HLCS: variants seen among roughly 807,000 people sequenced by gnomAD.
HLCS encodes biotin--protein ligase.
A neutral mutation model predicts 75.0 loss-of-function variants in HLCS; 53 were observed. The observed-to-expected ratio is 0.71, with a 90% CI of 0.57 to 0.89. The LOEUF (loss-of-function observed/expected upper bound fraction) is 0.89. Ranked by LOEUF, HLCS falls within the 40% of genes least tolerant of loss-of-function variation. The pLI is 0.00. For missense variants in HLCS, 966 were observed against 1,074.0 expected (o/e 0.90, Z 1.41); for synonymous variants, 431 against 428.6 (o/e 1.01, Z -0.07).
chr21:36,794,132 T>A (rs771671071), intron 6 of HLCS, among the ~76,000 whole-genome samples: 1 of 152,172 alleles, frequency 6.6e-6, no homozygotes, highest in Non-Finnish European at 1.5e-5. Context: ...AGCAAACCCA[T>A]GAGGATACAG....
At chr21:36,786,556 T>G (rs577755282) in intron 6 of HLCS, among the ~76,000 whole-genome samples, 45 of 152,360 alleles carry the variant, frequency 3.0e-4, no homozygotes, top group Non-Finnish European at 5.3e-4. Flanking sequence ...GGAAAGGATT[T>G]GGACGAGCAC....
intron 5 of HLCS, among the ~76,000 whole-genome samples, chr21:36,912,585 A>T (rs1569183312): frequency 6.6e-6 from 1 of 152,200 alleles, no homozygotes; most frequent in East Asian, 1.9e-4. Context: ...AATGGTTGTA[A>T]AATAGTGTGG....
chr21:36,896,509 T>C, intron 6 of HLCS: 1 of 347,522 alleles, frequency 2.9e-6, no homozygotes, highest in Non-Finnish European at 5.5e-6. Context: ...TGTCTAACAC[T>C]GATTGTAACT....
At chr21:36,917,823 C>T (rs914883830) in intron 5 of HLCS, among the ~76,000 whole-genome samples, 2 of 151,868 alleles carry the variant, frequency 1.3e-5, no homozygotes, top group African/African-American at 2.4e-5. Context: ...TAATGAAGGT[C>T]GCTGCAAGCA....
At chr21:36,936,292 T>C (rs1390260746) in intron 4 of HLCS, among the ~76,000 whole-genome samples, 157 bp downstream of exon 4, 2 of 152,204 alleles carry the variant, frequency 1.3e-5, no homozygotes, top group East Asian at 3.8e-4. Flanking sequence ...CTAAACTTTC[T>C]GCTCACTATC....
chr21:36,906,635 A>T, intron 5 of HLCS, among the ~76,000 whole-genome samples: 1 of 151,962 alleles, frequency 6.6e-6, no homozygotes, highest in Non-Finnish European at 1.5e-5. Flanking sequence ...TCTTCAAATT[A>T]ATCTATGGGT....
chr21:36,821,176 T>C (rs982910555), intron 6 of HLCS, among the ~76,000 whole-genome samples: 1 of 152,162 alleles, frequency 6.6e-6, no homozygotes, highest in African/African-American at 2.4e-5. Flanking sequence ...TGACGGCGAA[T>C]TTCTTTCACC....
At chr21:36,925,518 G>A (rs1332438525) in intron 5 of HLCS, among the ~76,000 whole-genome samples, 2 of 152,058 alleles carry the variant, frequency 1.3e-5, no homozygotes, top group Admixed American at 6.6e-5. Flanking sequence ...GGGGCAGCAC[G>A]TCCAGTTCCC....
At chr21:36,872,206 A>G (rs2063793328) in intron 6 of HLCS, among the ~76,000 whole-genome samples, 1 of 152,114 alleles carries the variant, frequency 6.6e-6, no homozygotes, top group South Asian at 2.1e-4. Flanking sequence ...GCGGATCACA[A>G]GGTCAGGAGA....
At chr21:36,789,911 G>A (rs908809747) in intron 6 of HLCS, among the ~76,000 whole-genome samples, 9 of 152,114 alleles carry the variant, frequency 5.9e-5, no homozygotes, top group Admixed American at 1.3e-4. Context: ...TGAACTTTCC[G>A]ATGTATCTGA....
chr21:36,759,018 G>T (rs1461970858), intron 9 of HLCS: 1 of 440,582 alleles, frequency 2.3e-6, no homozygotes, highest in Non-Finnish European at 4.6e-6. Context: ...GAGCTTTAAG[G>T]GTATGAAGTA....
chr21:36,861,313 T>C (rs989576404), intron 6 of HLCS, among the ~76,000 whole-genome samples: 5 of 152,212 alleles, frequency 3.3e-5, no homozygotes, highest in Non-Finnish European at 5.9e-5. Context: ...TTTACCTATG[T>C]GGTCCGTCAA....
At chr21:36,886,332 C>T (rs764039014) in intron 6 of HLCS, among the ~76,000 whole-genome samples, 12 of 149,556 alleles carry the variant, frequency 8.0e-5, no homozygotes, top group Non-Finnish European at 1.5e-4. Context: ...ACTTGGGAGG[C>T]TGAGGCAGAA....
chr21:36,989,273 C>A (rs562194154), intron 1 of HLCS, among the ~76,000 whole-genome samples: 4 of 142,200 alleles, frequency 2.8e-5, no homozygotes, highest in African/African-American at 5.4e-5. Context: ...GGCCTCCCAG[C>A]GTGCTGGGAT....
intron 10 of HLCS, among the ~76,000 whole-genome samples, chr21:36,756,247 G>A (rs971659953): frequency 1.1e-4 from 16 of 148,730 alleles, no homozygotes; most frequent in East Asian, 3.9e-4. Context: ...GACCATCCTG[G>A]CTAACACGGT....
intron 8 of HLCS, among the ~76,000 whole-genome samples, chr21:36,764,271 C>T (rs1367418224): frequency 6.6e-6 from 1 of 152,200 alleles, no homozygotes. Flanking sequence ...ATGGTGCACA[C>T]CTGTAGTCCC....
intron 6 of HLCS, among the ~76,000 whole-genome samples, chr21:36,889,010 A>G (rs941950619): frequency 9.9e-5 from 15 of 152,174 alleles, no homozygotes; most frequent in Non-Finnish European, 2.2e-4. Flanking sequence ...ACAAACTGGC[A>G]CAGGCACTAG....
chr21:36,884,005 C>T, intron 6 of HLCS, among the ~76,000 whole-genome samples: 1 of 152,166 alleles, frequency 6.6e-6, no homozygotes, highest in Admixed American at 6.5e-5. Flanking sequence ...ATGACAAAGG[C>T]CTTGAGTCAA....
At chr21:36,959,064 C>T (rs898585601) in intron 2 of HLCS, among the ~76,000 whole-genome samples, 1 of 152,192 alleles carries the variant, frequency 6.6e-6, no homozygotes, top group Non-Finnish European at 1.5e-5. Context: ...GGCAGGAGCC[C>T]AGTGCTCCCA....
Sources: gnomAD v4.1 joint callset for allele counts (sites outside exome capture counted in the v4.1 genomes callset) on GRCh38, gnomAD v4.1.1 for gene constraint, MANE v1.5 for transcripts, NCBI Gene and HGNC (gene_info 2026-07-23, HGNC 2026-07-21) for gene names.